DDX10: variants seen among roughly 807,000 people sequenced by gnomAD.
DDX10 encodes probable ATP-dependent RNA helicase DDX10.
A neutral mutation model predicts 104.3 loss-of-function variants in DDX10; 74 were observed. The observed-to-expected ratio is 0.71, with a 90% CI of 0.59 to 0.86. The LOEUF (loss-of-function observed/expected upper bound fraction) is 0.86, where lower values mean the gene tolerates loss of function less well. DDX10 is among the 40% of genes least tolerant of loss of function. DDX10 has a pLI of 0.00. For synonymous variants in DDX10, 351 were observed against 353.4 expected (o/e 0.99, Z 0.08); for missense variants, 952 against 1,040.0 (o/e 0.92, Z 1.16).
chr11:108,804,394 G>A (rs1862067976), intron 13 of DDX10, among the ~76,000 whole-genome samples: 1 of 151,668 alleles, frequency 6.6e-6, no homozygotes, highest in South Asian at 2.1e-4. Context: ...CACTTAGTTT[G>A]GGAGGCTGAG....
In DDX10 at chr11:108,760,430, A is replaced by G. The variant is rs902407173; in HGVS notation, c.1965+36968A>G. Among the ~76,000 whole-genome samples, 5 of 152,012 alleles carry G rather than the reference A, an allele frequency of 3.3e-5. No homozygotes were observed. The East Asian group carries it at 9.6e-4, about 29-fold the overall frequency. On this transcript the variant is annotated intron_variant, in intron 13 of 17. Transcript: ENST00000322536. ...ATTTTTAAGAATGACTACTACATCT[A>G]ATATGTTTACAAAACCCAAACCTGT...
intron 1 of DDX10, among the ~76,000 whole-genome samples, chr11:108,666,282 A>T (rs1178550034): frequency 6.6e-6 from 1 of 152,232 alleles, no homozygotes; most frequent in Non-Finnish European, 1.5e-5. Flanking sequence ...GTTCGAGACC[A>T]GCCTGACCAA....
chr11:108,917,044 G>A (rs1012800061), intron 16 of DDX10, among the ~76,000 whole-genome samples: 8 of 151,600 alleles, frequency 5.3e-5, no homozygotes, highest in Non-Finnish European at 1.0e-4. Flanking sequence ...CTACAAATAA[G>A]CTTGTACAGA....
At chr11:108,929,438 T>C (rs539896881) in intron 17 of DDX10, 1 of 152,342 alleles carries the variant, frequency 6.6e-6, no homozygotes, top group Admixed American at 6.5e-5. Context: ...TATTTAAATA[T>C]TTACCCTAAT....
intron 12 of DDX10, 112 bp from the exon 13 acceptor site, chr11:108,722,885 A>G (rs531312660): frequency 7.7e-4 from 1,102 of 1,435,016 alleles, no homozygotes; most frequent in Admixed American, 1.1e-3. Context: ...TCACAGGAAC[A>G]TTTTCTTTAA....
chr11:108,694,282 T>A (rs1374095280), intron 9 of DDX10, among the ~76,000 whole-genome samples: 1 of 152,174 alleles, frequency 6.6e-6, no homozygotes, highest in Non-Finnish European at 1.5e-5. Context: ...TAAATCCCTA[T>A]TTTCAGGTGA....
intron 13 of DDX10, among the ~76,000 whole-genome samples, chr11:108,774,001 A>G (rs1473325583): frequency 1.3e-5 from 2 of 152,232 alleles, no homozygotes; most frequent in Non-Finnish European, 2.9e-5. Context: ...TCAAGGCTGC[A>G]TACATGAAAT....
intron 10 of DDX10, among the ~76,000 whole-genome samples, chr11:108,714,968 A>G (rs893792470): frequency 1.1e-4 from 15 of 139,946 alleles, no homozygotes; most frequent in Admixed American, 9.1e-4. Context: ...ACCACCACCT[A>G]TCACCATTCT....
rs536884145 is a variant in DDX10, at chr11:108,864,638, T to C, written c.2304+12429T>C. 9.9e-5 allele frequency among the ~76,000 whole-genome samples: 15 copies of C among 152,130 alleles called. No individual in the cohort carries two copies. The East Asian group carries it at 2.9e-3, about 29-fold the overall frequency. On this transcript the variant is annotated intron_variant, in intron 16 of 17. Coordinates refer to ENST00000322536, the MANE Select transcript of DDX10 (RefSeq NM_004398.4). ...ACACCTGGATAATTTTGTTTATTTT[T>C]TTGTAGAGATGAGGTCTTCCTGTGT... is the stretch of plus-strand genomic sequence containing the variant.
chr11:108,938,920 G>A (rs1184738492), intron 17 of DDX10, among the ~76,000 whole-genome samples: 1 of 152,136 alleles, frequency 6.6e-6, no homozygotes, highest in Non-Finnish European at 1.5e-5. Context: ...TGAGCAGTTT[G>A]TTCTCTTTCA....
chr11:108,797,001 C>CTGT (rs898330481), intron 13 of DDX10, among the ~76,000 whole-genome samples: 7 of 151,966 alleles, frequency 4.6e-5, no homozygotes, highest in African/African-American at 7.3e-5. Context: ...AAATAAACTT[C>CTGT]TGTTGTTGTT....
At chr11:108,821,673 G>A (rs2134577897) in intron 13 of DDX10, among the ~76,000 whole-genome samples, 1 of 152,146 alleles carries the variant, frequency 6.6e-6, no homozygotes, top group Middle Eastern at 3.4e-3. Context: ...AGAAATTAGA[G>A]GTCAAATTTA....
chr11:108,865,563 T>C (rs969032666), intron 16 of DDX10, among the ~76,000 whole-genome samples: 3 of 152,096 alleles, frequency 2.0e-5, no homozygotes, highest in East Asian at 1.9e-4. Context: ...GAGGGTCTTA[T>C]CAGGTTTTTT....
chr11:108,837,842 C>T (rs546243276), intron 13 of DDX10, among the ~76,000 whole-genome samples: 12 of 151,906 alleles, frequency 7.9e-5, no homozygotes, highest in Non-Finnish European at 1.5e-4. Flanking sequence ...AGGCTGGTCT[C>T]GAACTCATGA....
At chr11:108,765,068 T>C (rs1009645726) in intron 13 of DDX10, among the ~76,000 whole-genome samples, 5 of 152,230 alleles carry the variant, frequency 3.3e-5, no homozygotes, top group Admixed American at 6.5e-5. Context: ...ACCTTTCTAT[T>C]AAATAATATA....
chr11:108,760,316 T>C (rs937423981), intron 13 of DDX10, among the ~76,000 whole-genome samples: 13 of 151,926 alleles, frequency 8.6e-5, no homozygotes, highest in African/African-American at 3.1e-4. Flanking sequence ...AGTGTGTATA[T>C]GAGGTAGCAT....
intron 13 of DDX10, among the ~76,000 whole-genome samples, chr11:108,733,145 A>C (rs1207372408): frequency 4.5e-5 from 6 of 132,256 alleles, no homozygotes; most frequent in Non-Finnish European, 1.6e-5. Flanking sequence ...TTCTTTTTTT[A>C]GTACTGTAAG....
Position 108,814,100 on chromosome 11 carries a change from A to G in DDX10, c.1966-24346A>G, listed in dbSNP as rs377183353. 6.7e-4 allele frequency among the ~76,000 whole-genome samples: 102 copies of G among 152,204 alleles called. 1 individual carries two copies. Among genetic ancestry groups the G allele is most frequent in the South Asian group, 5.6e-3 (27 of 4,818 alleles). On this transcript the variant is annotated intron_variant, in intron 13 of 17. Coordinates refer to ENST00000322536, the MANE Select transcript of DDX10 (RefSeq NM_004398.4). ...GGAATTTTTTTGTCTCCTTCTCCCT[A>G]TCCTTTACCTTCCACCCAAAGCTTT...
intron 9 of DDX10, among the ~76,000 whole-genome samples, chr11:108,703,247 T>C (rs1423385089): frequency 6.6e-6 from 1 of 152,218 alleles, no homozygotes; most frequent in Non-Finnish European, 1.5e-5. Context: ...CTCTAAGATA[T>C]CATGTTGTAC....
Sources: allele counts gnomAD v4.1 joint callset (sites outside exome capture counted in the v4.1 genomes callset), GRCh38; gene constraint gnomAD v4.1.1; transcripts MANE v1.5; gene names NCBI Gene and HGNC (gene_info 2026-07-23, HGNC 2026-07-21).